The following CTNNA2 variants were observed in gnomAD, a reference collection of about 807,000 sequenced individuals.
CTNNA2 encodes the protein catenin alpha-2.
A neutral mutation model predicts 101.0 loss-of-function variants in CTNNA2; 42 were observed. That is an observed-to-expected ratio of 0.42 (90% CI 0.32 to 0.54). CTNNA2 has a LOEUF of 0.54. Ranked by LOEUF, CTNNA2 falls within the 20% of genes least tolerant of loss-of-function variation. CTNNA2 has a pLI of 0.14. For missense variants in CTNNA2, 871 were observed against 1,223.1 expected (o/e 0.71, Z 4.29); for synonymous variants, 450 against 456.4 (o/e 0.99, Z 0.18).
intron 1 of CTNNA2, among the ~76,000 whole-genome samples, chr2:79,535,340 G>T (rs1327836135): frequency 6.6e-6 from 1 of 151,954 alleles, no homozygotes; most frequent in Non-Finnish European, 1.5e-5. Context: ...GAGTAGCTGG[G>T]ATTATAGGCC....
At chr2:80,007,657 T>G (rs1048696509) in intron 7 of CTNNA2, among the ~76,000 whole-genome samples, 1 of 152,202 alleles carries the variant, frequency 6.6e-6, no homozygotes, top group African/African-American at 2.4e-5. Context: ...ATTAAAGTCC[T>G]TATATCTGTA....
At chr2:80,251,508 G>A (rs963793217) in intron 7 of CTNNA2, among the ~76,000 whole-genome samples, 1 of 152,046 alleles carries the variant, frequency 6.6e-6, no homozygotes, top group African/African-American at 2.4e-5. Context: ...GAAAAAGAAG[G>A]CTCTAGCAGG....
At chr2:80,395,934 A>G (rs922786258) in intron 8 of CTNNA2, among the ~76,000 whole-genome samples, 2 of 152,182 alleles carry the variant, frequency 1.3e-5, no homozygotes, top group African/African-American at 4.8e-5. Context: ...CCGCTCTTTC[A>G]GTCTCCTGCC....
At position 80,410,498 on chromosome 2, in the gene CTNNA2, G is replaced by C. The variant is rs753006538; in HGVS notation, c.1138-8951G>C. Among the ~76,000 whole-genome samples, 46 of 152,152 alleles carry C rather than the reference G, an allele frequency of 3.0e-4. 1 individual carries two copies. The highest frequency in any genetic ancestry group is 6.5e-5 in the Admixed American group (1 of 15,278). On this transcript the variant is annotated intron_variant, in intron 8 of 18. Transcript: ENST00000402739. ...CATACGTTTAAACCATTGGAAAAAC[G>C]TCTTGTGTTCTTGACTCCTGTCAGA...
intron 4 of CTNNA2, among the ~76,000 whole-genome samples, chr2:79,374,354 A>G (rs557604210): frequency 6.6e-6 from 1 of 152,306 alleles, no homozygotes; most frequent in South Asian, 2.1e-4. Flanking sequence ...CAAAATAAGC[A>G]CAAATACAAT....
chr2:79,428,607 A>G (rs1401745467), intron 4 of CTNNA2, among the ~76,000 whole-genome samples: 1 of 152,098 alleles, frequency 6.6e-6, no homozygotes, highest in African/African-American at 2.4e-5. Context: ...AAAACAAAAT[A>G]ACAAAAAAAA....
intron 7 of CTNNA2, among the ~76,000 whole-genome samples, chr2:80,051,859 A>G (rs1696898384): frequency 6.6e-6 from 1 of 152,188 alleles, no homozygotes; most frequent in Non-Finnish European, 1.5e-5. Context: ...GAGCAATGCC[A>G]TGTCTCTGAT....
intron 7 of CTNNA2, among the ~76,000 whole-genome samples, chr2:80,324,363 T>C (rs1679027367): frequency 6.6e-6 from 1 of 152,140 alleles, no homozygotes; most frequent in African/African-American, 2.4e-5. Flanking sequence ...TCTGCTTCCA[T>C]GCTGAGCTCA....
intron 4 of CTNNA2, among the ~76,000 whole-genome samples, chr2:79,486,299 C>G (rs1169530484): frequency 6.7e-6 from 1 of 150,160 alleles, no homozygotes; most frequent in Non-Finnish European, 1.5e-5. Flanking sequence ...TGTTCAATTC[C>G]CACCTATGAG....
chr2:79,923,703 G>A (rs957337688), intron 7 of CTNNA2, among the ~76,000 whole-genome samples: 2 of 151,978 alleles, frequency 1.3e-5, no homozygotes, highest in African/African-American at 4.8e-5. Context: ...AATTCCTCCT[G>A]TTTAACTGAA....
intron 7 of CTNNA2, among the ~76,000 whole-genome samples, chr2:80,039,886 A>G (rs897206245): frequency 1.3e-5 from 2 of 152,230 alleles, no homozygotes; most frequent in African/African-American, 4.8e-5. Flanking sequence ...ATTGTTTGGT[A>G]ATTTCATGGG....
At chr2:79,732,593 A>G (rs1687273536) in intron 2 of CTNNA2, among the ~76,000 whole-genome samples, 1 of 152,106 alleles carries the variant, frequency 6.6e-6, no homozygotes, top group Non-Finnish European at 1.5e-5. Flanking sequence ...AATGTATTAC[A>G]TACATTATAC....
intron 7 of CTNNA2, among the ~76,000 whole-genome samples, chr2:80,014,837 A>G (rs1401685420): frequency 6.6e-6 from 1 of 152,218 alleles, no homozygotes; most frequent in African/African-American, 2.4e-5. Flanking sequence ...CCCTATATGA[A>G]TCATTAAATT....
chr2:79,309,727 T>C (rs1391997477), intron 2 of CTNNA2, among the ~76,000 whole-genome samples: 2 of 152,190 alleles, frequency 1.3e-5, no homozygotes, highest in Non-Finnish European at 2.9e-5. Context: ...TGATAACAAC[T>C]TAGTTTTCCT....
chr2:80,047,698 T>A (rs1056138432), intron 7 of CTNNA2, among the ~76,000 whole-genome samples: 2 of 152,166 alleles, frequency 1.3e-5, no homozygotes, highest in African/African-American at 4.8e-5. Context: ...AGGTCAAAGA[T>A]AAGCAGATTT....
chr2:79,842,014 A>T (rs1299848417), intron 3 of CTNNA2, among the ~76,000 whole-genome samples: 1 of 152,170 alleles, frequency 6.6e-6, no homozygotes, highest in Admixed American at 6.5e-5. Context: ...TACTTTATAT[A>T]TCCCTTCATA....
Position 79,736,370 on chromosome 2 carries a change from G to C in CTNNA2, c.103-8017G>C, listed in dbSNP as rs76974524. On this transcript the variant is annotated intron_variant, in intron 2 of 18. Coordinates refer to ENST00000402739, the MANE Select transcript of CTNNA2 (RefSeq NM_001282597.3). ...TAAAGGAATAAATCAGGTGGTTCAA[G>C]GAAGAATAATTTAAGAAAAACAACA... 6.6e-5 allele frequency among the ~76,000 whole-genome samples: 10 copies of C among 152,134 alleles called. No individual in the cohort carries two copies. The East Asian group carries it at 1.9e-3, about 29-fold the overall frequency.
chr2:79,689,941 C>T (rs1308193750), intron 2 of CTNNA2, among the ~76,000 whole-genome samples: 1 of 151,488 alleles, frequency 6.6e-6, no homozygotes, highest in Non-Finnish European at 1.5e-5. Flanking sequence ...GATGAAAATC[C>T]AGAAAAAATA....
rs1373234750 is a variant in CTNNA2, at chr2:79,836,543, A to G, written c.299-21470A>G. Among the ~76,000 whole-genome samples the G allele has an allele frequency of 4.6e-5, 7 of 152,174 alleles. No homozygotes were observed. The East Asian group carries it at 1.3e-3, about 29-fold the overall frequency. On this transcript the variant is annotated intron_variant, in intron 3 of 18. Transcript: ENST00000402739. Reference sequence around the variant, plus strand: ...ACATGGCTTAAAACAACAGAAATTTACTTTTTAACAGCTCTGGAGGCTAGA... The same window carrying G: ...ACATGGCTTAAAACAACAGAAATTTGCTTTTTAACAGCTCTGGAGGCTAGA...
Sources: allele counts gnomAD v4.1 joint callset (sites outside exome capture counted in the v4.1 genomes callset), GRCh38; gene constraint gnomAD v4.1.1; transcripts MANE v1.5; gene names NCBI Gene and HGNC (gene_info 2026-07-23, HGNC 2026-07-21).